LRRD1: variants seen among roughly 807,000 people sequenced by gnomAD.
The protein encoded by LRRD1 is leucine-rich repeat and death domain-containing protein 1.
A neutral mutation model predicts 69.5 loss-of-function variants in LRRD1; 49 were observed. The ratio of observed to expected loss-of-function variants is 0.70; its 90% CI spans 0.56 to 0.89. LRRD1 has a LOEUF of 0.89. Ranked by LOEUF, LRRD1 falls within the 40% of genes least tolerant of loss-of-function variation. The pLI, the probability that LRRD1 is intolerant of heterozygous loss-of-function variation, is 0.00. For synonymous variants in LRRD1, 303 were observed against 338.9 expected (o/e 0.89, Z 1.16); for missense variants, 853 against 956.0 (o/e 0.89, Z 1.42).
intron 1 of LRRD1, among the ~76,000 whole-genome samples, chr7:92,169,317 A>C (rs1788996637): frequency 6.6e-6 from 1 of 152,106 alleles, no homozygotes; most frequent in African/African-American, 2.4e-5. Flanking sequence ...TATCAGAAAA[A>C]TTTAACAGAG....
chr7:92,163,988 A>G lies in LRRD1; in HGVS notation c.1215T>C (p.Asn405=), dbSNP rs183800982. Residue 405 remains asparagine, a synonymous_variant, in exon 2 of 6, where the codon AAT becomes AAC. Transcript: ENST00000458448. ...TGTACTTAGGGAGTTCTGTTAATTTATTATCACTAAGACTAAGGCATTCCA... is the reference window on the plus strand; with the variant it reads ...TGTACTTAGGGAGTTCTGTTAATTTGTTATCACTAAGACTAAGGCATTCCA... The part of the protein sequence containing the change: ...AMLECLSLSD[N]KLTELPKYIH... 1 of 1,529,986 alleles carries G rather than the reference A, an allele frequency of 6.5e-7. No individual in the cohort carries two copies. Among genetic ancestry groups the G allele is most frequent in the Non-Finnish European group, 8.8e-7 (1 of 1,139,836 alleles). The allele number at this position is 1,529,986 out of a possible 1,614,324, so 94.8% of individuals were successfully genotyped here.
chr7:92,164,154 T>C lies in LRRD1; in HGVS notation c.1049A>G (p.Lys350Arg), dbSNP rs1026090068. 12 of 1,548,200 alleles carry C rather than the reference T, an allele frequency of 7.8e-6. No homozygotes were observed. The highest frequency in any genetic ancestry group is 1.4e-5 in the African/African-American group (1 of 72,702). Reference protein sequence around the residue: ...FLAVEIFQLLKIKELQLADNK... With the variant: ...FLAVEIFQLLRIKELQLADNK... The stretch of plus-strand genomic sequence containing the variant: ...GTCGGCCAGTTGGAGTTCTTTTATT[T>C]TGAGTAACTGAAAAATTTCTACAGC... The change falls in exon 2 of 6, where the codon AAA becomes AGA. Residue 350 changes from lysine (K) to arginine (R), a missense_variant. Transcript: ENST00000458448.
At chr7:92,178,876 G>A (rs1338219447) in intron 1 of LRRD1, 131 bp downstream of exon 1, 1 of 152,168 alleles carries the variant, frequency 6.6e-6, no homozygotes, top group Non-Finnish European at 1.5e-5. Flanking sequence ...TTCTAAATGT[G>A]GAAAAAGAGA....
chr7:92,156,300 A>C (rs753902802), intron 3 of LRRD1, among the ~76,000 whole-genome samples: 2 of 152,092 alleles, frequency 1.3e-5, no homozygotes, highest in Non-Finnish European at 2.9e-5. Flanking sequence ...AGTTCCTTTG[A>C]CTTTTTATAT....
downstream of LRRD1, among the ~76,000 whole-genome samples, chr7:92,143,527 T>A (rs1223983391): frequency 6.6e-6 from 1 of 152,056 alleles, no homozygotes; most frequent in Non-Finnish European, 1.5e-5. Context: ...GGAAGGCAGC[T>A]AAGGCCCGGC....
chr7:92,170,677 T>A (rs1188892078), intron 1 of LRRD1, among the ~76,000 whole-genome samples: 1 of 152,190 alleles, frequency 6.6e-6, no homozygotes, highest in Non-Finnish European at 1.5e-5. Context: ...TGGAGTTAAA[T>A]TACACACTAG....
At chr7:92,177,820 A>G (rs1181330323) in intron 1 of LRRD1, among the ~76,000 whole-genome samples, 1 of 152,222 alleles carries the variant, frequency 6.6e-6, no homozygotes, top group Admixed American at 6.5e-5. Flanking sequence ...GCCTGACTAT[A>G]TTTGATGATA....
Position 92,150,613 on chromosome 7 carries a change from C to T in LRRD1, c.2199G>A (p.Leu733=), listed in dbSNP as rs1205762801. 3.9e-6 allele frequency: 6 copies of T among 1,551,296 alleles called. No individual in the cohort carries two copies. The East Asian group carries it at 9.8e-5, about 25-fold the overall frequency. ...CTTTACAGATTTCCACTGGAGGTCTCAGCAAAGGGTTGTCATCAAAATTTA... is the reference window on the plus strand; with the variant it reads ...CTTTACAGATTTCCACTGGAGGTCTTAGCAAAGGGTTGTCATCAAAATTTA... ...KEINFDDNPL[L]RPPVEICKGK... The change falls in exon 4 of 6, where the codon CTG becomes CTA. Residue 733 remains leucine, a synonymous_variant. Transcript: ENST00000458448.
At position 92,164,638 on chromosome 7, in the gene LRRD1, C is replaced by A. The variant is rs1788863849; in HGVS notation, c.565G>T (p.Gly189Ter). The change falls in exon 2 of 6, where the codon GGA becomes TGA. Residue 189 changes from glycine to a stop codon, truncating the protein, a stop_gained. Transcript: ENST00000458448. LOFTEE classifies it high-confidence loss of function. ...FQGADSGDLL[G>*]LEILSLQENG... ...TCTTGCAGGGATAGAATTTCAAGTC[C>A]TAACAGATCACCTGAGTCTGCCCCT... The A allele has an allele frequency of 6.4e-7, 1 of 1,551,598 alleles. No homozygotes were observed. Among genetic ancestry groups the A allele is most frequent in the African/African-American group, 1.4e-5 (1 of 73,018 alleles).
chr7:92,152,436 A>T (rs1820494601), intron 3 of LRRD1, among the ~76,000 whole-genome samples: 1 of 152,122 alleles, frequency 6.6e-6, no homozygotes. Context: ...ATTACAAAGG[A>T]AGCTTCTCTA....
In LRRD1 at chr7:92,164,041, G is replaced by A; in HGVS notation, c.1162C>T (p.Pro388Ser). 1 of 1,540,126 alleles carries A rather than the reference G, an allele frequency of 6.5e-7. No homozygotes were observed. The change falls in exon 2 of 6, where the codon CCA becomes TCA. Residue 388 changes from proline (P) to serine (S), a missense_variant. This residue lies in a region of LRRD1 where 739 missense variants were observed against 808.0 expected (regional missense o/e 0.91). Transcript: ENST00000458448. ...ILDKNLLKNIPEKISCCAMLE... is the reference protein window; with the variant it reads ...ILDKNLLKNISEKISCCAMLE... ...ATTGCACAGCAAGATATTTTCTCTG[G>A]TATATTTTTCAATAAATTTTTATCA...
chr7:92,145,577 C>T (rs973895836), intron 5 of LRRD1, among the ~76,000 whole-genome samples: 1 of 151,666 alleles, frequency 6.6e-6, no homozygotes, highest in African/African-American at 2.4e-5. Context: ...GTAGCTGGGA[C>T]TACAGGTGCC....
chr7:92,174,600 C>G (rs1297892068), intron 1 of LRRD1, among the ~76,000 whole-genome samples: 1 of 136,706 alleles, frequency 7.3e-6, no homozygotes, highest in Non-Finnish European at 1.5e-5. Flanking sequence ...CTCTGCCTCC[C>G]GGGTTCAAAG....
At chr7:92,176,912 G>C (rs1448187403) in intron 1 of LRRD1, among the ~76,000 whole-genome samples, 1 of 148,552 alleles carries the variant, frequency 6.7e-6, no homozygotes, top group Non-Finnish European at 1.5e-5. Flanking sequence ...AGTCAAACTT[G>C]GTTATGATAT....
intron 1 of LRRD1, among the ~76,000 whole-genome samples, chr7:92,169,053 G>A (rs1563194246): frequency 6.6e-6 from 1 of 151,984 alleles, no homozygotes; most frequent in Non-Finnish European, 1.5e-5. Flanking sequence ...CAAGTAGCTG[G>A]GATTACAGGC....
At chr7:92,173,498 GA>G (rs1167437313) in intron 1 of LRRD1, among the ~76,000 whole-genome samples, 1 of 151,444 alleles carries the variant, frequency 6.6e-6, no homozygotes, top group Non-Finnish European at 1.5e-5. Flanking sequence ...AACTTAAAAG[GA>G]AAAAAAATCT....
At chr7:92,152,766 G>A (rs909666086) in intron 3 of LRRD1, among the ~76,000 whole-genome samples, 1 of 151,804 alleles carries the variant, frequency 6.6e-6, no homozygotes, top group African/African-American at 2.4e-5. Context: ...CACCTCCCGG[G>A]TTCAAGCAAT....
At chr7:92,143,329 C>T (rs1820217317), downstream of LRRD1, among the ~76,000 whole-genome samples, 1 of 152,212 alleles carries the variant, frequency 6.6e-6, no homozygotes. Context: ...CCCACCGGGG[C>T]CGCAGGTAGA....
chr7:92,144,113 A>G (rs1424953180), downstream of LRRD1, among the ~76,000 whole-genome samples: 1 of 152,178 alleles, frequency 6.6e-6, no homozygotes, highest in East Asian at 1.9e-4. Flanking sequence ...CTGTCTGGAC[A>G]CTCAACTGAA....
Sources: allele counts gnomAD v4.1 joint callset (sites outside exome capture counted in the v4.1 genomes callset), GRCh38; gene constraint gnomAD v4.1.1; regional missense constraint gnomAD v4.1.1; transcripts MANE v1.5; gene names NCBI Gene and HGNC (gene_info 2026-07-23, HGNC 2026-07-21).